ARID1A: variants seen among roughly 807,000 people sequenced by gnomAD.
The protein encoded by ARID1A is AT-rich interaction domain 1A.
In ARID1A, 20 loss-of-function variants were observed where a neutral mutation model predicts 212.6. That is an observed-to-expected ratio of 0.09 (90% CI 0.07 to 0.14). The LOEUF is 0.14. ARID1A is among the 10% of genes least tolerant of loss of function. ARID1A has a pLI of 1.00. For synonymous variants in ARID1A, 1,376 were observed against 1,222.1 expected, an observed-to-expected ratio of 1.13 and a Z score of -2.63; for missense variants, 2,587 against 3,059.0, an observed-to-expected ratio of 0.85 and a Z score of 3.64.
chr1:26,722,904 A>T (rs2080579113), intron 1 of ARID1A, among the ~76,000 whole-genome samples: 1 of 152,176 alleles, frequency 6.6e-6, no homozygotes, highest in Non-Finnish European at 1.5e-5. Context: ...TTATTGTCCT[A>T]GGTCATATAA....
chr1:26,705,933 A>G (rs1311938800), intron 1 of ARID1A, among the ~76,000 whole-genome samples: 1 of 152,222 alleles, frequency 6.6e-6, no homozygotes, highest in African/African-American at 2.4e-5. Context: ...GCATTCCAAC[A>G]TGCTGCAGAG....
At position 26,697,286 on chromosome 1, in the gene ARID1A, C is replaced by A. The variant is rs1278862917; in HGVS notation, c.883C>A (p.Leu295Ile). 7.3e-7 allele frequency: 1 copy of A among 1,362,716 alleles called. No homozygotes were observed. Among genetic ancestry groups the A allele is most frequent in the South Asian group, 1.8e-5 (1 of 54,720 alleles). The allele number at this position is 1,362,716 out of a possible 1,614,324, so 84.4% of individuals were successfully genotyped here. A position where few individuals can be genotyped will look rare whatever the true frequency, so the allele number is the denominator to read the frequency against. Residue 295 changes from leucine to isoleucine, a missense_variant, in exon 1 of 20, where the codon CTC becomes ATC. Leu to Ile is a conservative substitution (Grantham distance 5). Coordinates refer to ENST00000324856, the MANE Select transcript of ARID1A (RefSeq NM_006015.6). ...GTPQPTATPTLNQLLTSPSSA... is the reference protein window; with the variant it reads ...GTPQPTATPTINQLLTSPSSA... ...TCCCCAGCCCACCGCCACCCCCACCCTCAACCAACTGCTCACGTCGCCCAG... is the reference window on the plus strand; with the variant it reads ...TCCCCAGCCCACCGCCACCCCCACCATCAACCAACTGCTCACGTCGCCCAG...
chr1:26,773,992 C>G, intron 17 of ARID1A, 94 bp downstream of exon 17: 2 of 1,473,430 alleles, frequency 1.4e-6, no homozygotes, highest in Admixed American at 3.6e-5. Flanking sequence ...AAGAAGCTCA[C>G]TTTAGATATT....
chr1:26,726,912 T>C (rs2080624684), intron 1 of ARID1A, among the ~76,000 whole-genome samples: 1 of 152,214 alleles, frequency 6.6e-6, no homozygotes, highest in East Asian at 1.9e-4. Flanking sequence ...ATATGGGAAG[T>C]GGCTTCATTT....
At chr1:26,728,335 A>G (rs1451646618) in intron 1 of ARID1A, among the ~76,000 whole-genome samples, 29 of 152,118 alleles carry the variant, frequency 1.9e-4, no homozygotes, top group East Asian at 1.9e-4. Flanking sequence ...TACTTCCTCT[A>G]CTATAAAACA....
In ARID1A at chr1:26,771,101, T is replaced by C. The variant is rs2124096544; in HGVS notation, c.3199-18T>C. The C allele has an allele frequency of 6.2e-7, 1 of 1,613,734 alleles. No individual in the cohort carries two copies. Among genetic ancestry groups the C allele is most frequent in the Non-Finnish European group, 8.5e-7 (1 of 1,179,600 alleles). ...CAGGCGGGAGATATACCTCGACTCC[T>C]TTGGTTTGGTTATACAGGTCAACAA... On this transcript the variant is annotated intron_variant, in intron 11 of 19. Coordinates refer to ENST00000324856, the MANE Select transcript of ARID1A (RefSeq NM_006015.6). The surrounding 1 kb of genome is among the most constrained non-coding windows in gnomAD (Gnocchi z 5.4).
chr1:26,735,504 C>T (rs2080720766), intron 4 of ARID1A, among the ~76,000 whole-genome samples: 2 of 152,162 alleles, frequency 1.3e-5, no homozygotes, highest in Non-Finnish European at 2.9e-5. Context: ...GTTGGCCAGG[C>T]TGATCTCAAA....
At chr1:26,776,431 G>A (rs1379941616) in intron 19 of ARID1A, among the ~76,000 whole-genome samples, 2 of 151,846 alleles carry the variant, frequency 1.3e-5, no homozygotes, top group African/African-American at 2.4e-5. Flanking sequence ...CCGCCACCAC[G>A]CTCGGCTAAT....
chr1:26,774,469 C>T lies in ARID1A; in HGVS notation c.4242C>T (p.Ser1414=), dbSNP rs2124117981. 1 of 1,613,756 alleles carries T rather than the reference C, an allele frequency of 6.2e-7. No homozygotes were observed. The highest frequency in any genetic ancestry group is 8.5e-7 in the Non-Finnish European group (1 of 1,179,832). ...CCCCAGCCCAGCCCCAGCCTGCCAG[C>T]CAGCAACAAGCTGCCCAGCCTTCCC... ...QLPPAQPQPA[S]QQQAAQPSPQ... The change falls in exon 18 of 20, where the codon AGC becomes AGT. Residue 1414 remains serine, a synonymous_variant. Coordinates refer to ENST00000324856, the MANE Select transcript of ARID1A (RefSeq NM_006015.6). This position sits in a 1 kb window ranked among gnomAD's most constrained non-coding sequence, Gnocchi z 5.6.
chr1:26,719,678 C>T (rs147445800), intron 1 of ARID1A, among the ~76,000 whole-genome samples: 3,240 of 151,848 alleles, frequency 0.021, 48 homozygotes, highest in Non-Finnish European at 0.033. Flanking sequence ...CAGTGGCTCA[C>T]GCCTGTAATC....
chr1:26,702,520 A>C (rs541523025), intron 1 of ARID1A, among the ~76,000 whole-genome samples: 1 of 152,228 alleles, frequency 6.6e-6, no homozygotes, highest in Admixed American at 6.5e-5. Context: ...AGCTTTGTGT[A>C]AATACTTGCT....
intron 1 of ARID1A, among the ~76,000 whole-genome samples, chr1:26,707,826 A>G (rs1207549405): frequency 6.6e-6 from 1 of 152,196 alleles, no homozygotes; most frequent in African/African-American, 2.4e-5. Flanking sequence ...AATTTGCCCT[A>G]GGGAAAATAG....
rs1279230199 is a variant in ARID1A at position 26,774,307 on chromosome 1, C to T, written c.4102-22C>T. The T allele has an allele frequency of 6.6e-7, 1 of 1,522,400 alleles. No individual in the cohort carries two copies. The highest frequency in any genetic ancestry group is 2.2e-5 in the Admixed American group (1 of 46,086). 94.3% of individuals were successfully genotyped at this position (1,522,400 alleles called of 1,614,324 possible). The stretch of plus-strand genomic sequence containing the variant: ...CCCTGAGTGCAGAGTATTAACTTCC[C>T]CTCTGCTTGTCTCTGCCTTAGAATT... On this transcript the variant is annotated intron_variant, in intron 17 of 19. Coordinates refer to ENST00000324856, the MANE Select transcript of ARID1A (RefSeq NM_006015.6). This position sits in a 1 kb window ranked among gnomAD's most constrained non-coding sequence, Gnocchi z 5.6.
At position 26,760,977 on chromosome 1, in the gene ARID1A, T is replaced by G; in HGVS notation, c.2042T>G (p.Phe681Cys). 6.2e-7 allele frequency: 1 copy of G among 1,613,962 alleles called. No individual in the cohort carries two copies. Among genetic ancestry groups the G allele is most frequent in the East Asian group, 2.2e-5 (1 of 44,870 alleles). ...CAGAGTAATCCAGCTCAGTCTCCTT[T>G]CTCTCCTCATACCTCCCCTCACCTG... ...GEQSNPAQSP[F>C]SPHTSPHLPG... is the part of the protein sequence containing the mutation. The change falls in exon 5 of 20, where the codon TTC becomes TGC. Residue 681 changes from phenylalanine to cysteine, a missense_variant. Phe to Cys is a radical substitution (Grantham distance 205). This residue lies in a region of ARID1A where 674 missense variants were observed against 813.4 expected (regional missense o/e 0.83). Transcript: ENST00000324856.
At chr1:26,728,121 T>A (rs560604113) in intron 1 of ARID1A, among the ~76,000 whole-genome samples, 1 of 152,342 alleles carries the variant, frequency 6.6e-6, no homozygotes, top group East Asian at 1.9e-4. Context: ...TATTGACATG[T>A]AGTAGTGATT....
At chr1:26,728,123 G>C (rs1038393247) in intron 1 of ARID1A, among the ~76,000 whole-genome samples, 8 of 152,164 alleles carry the variant, frequency 5.3e-5, no homozygotes, top group Non-Finnish European at 8.8e-5. Context: ...TTGACATGTA[G>C]TAGTGATTTG....
chr1:26,719,120 C>G (rs886972486), intron 1 of ARID1A, among the ~76,000 whole-genome samples: 3 of 152,204 alleles, frequency 2.0e-5, no homozygotes, highest in Non-Finnish European at 4.4e-5. Context: ...ACTTTCTCTT[C>G]TACATTCCCC....
chr1:26,755,766 T>TG (rs1446905220), intron 4 of ARID1A, among the ~76,000 whole-genome samples: 1 of 151,332 alleles, frequency 6.6e-6, no homozygotes, highest in African/African-American at 2.4e-5. Context: ...TTTTTTGAGA[T>TG]GGAGTCTCGC....
chr1:26,736,628 CA>C (rs71007890), intron 4 of ARID1A, among the ~76,000 whole-genome samples: 11,213 of 73,990 alleles, frequency 0.15, 428 homozygotes, highest in African/African-American at 0.22. Flanking sequence ...GACTCTGTCT[CA>C]AAAAAAAAAA....
Sources: allele counts gnomAD v4.1 joint callset (sites outside exome capture counted in the v4.1 genomes callset), GRCh38; gene constraint gnomAD v4.1.1; regional missense constraint gnomAD v4.1.1; non-coding constraint Gnocchi (gnomAD v3.1); transcripts MANE v1.5; gene names NCBI Gene and HGNC (gene_info 2026-07-23, HGNC 2026-07-21).